Variants in SNX3 observed in about 807,000 individuals in gnomAD.
The protein encoded by SNX3 is sorting nexin-3.
SNX3 carries 5 observed loss-of-function variants against 17.7 expected under a neutral mutation model. The ratio of observed to expected loss-of-function variants is 0.28; its 90% CI spans 0.15 to 0.59. The LOEUF (loss-of-function observed/expected upper bound fraction) is 0.59. SNX3 is among the 20% of genes least tolerant of loss of function. The pLI, the probability that SNX3 is intolerant of heterozygous loss-of-function variation, is 0.88. For missense variants in SNX3, 132 were observed against 206.8 expected, an observed-to-expected ratio of 0.64 and a Z score of 2.22; for synonymous variants, 91 against 76.5, an observed-to-expected ratio of 1.19 and a Z score of -0.99.
chr6:108,246,891 A>T (rs537360), intron 1 of SNX3, among the ~76,000 whole-genome samples: 4,784 of 152,248 alleles, frequency 0.031, 249 homozygotes, highest in African/African-American at 0.11. Flanking sequence ...AAGAGGAATC[A>T]GGAAAGATCA....
At position 108,211,478 on chromosome 6, in the gene SNX3, TAGAG is replaced by T. The variant is rs1454044889; in HGVS notation, c.*667_*670del. ...AACAAGTGACTTAAGTAGTCACTCA[TAGAG>T]AGCAAAAAAAGCTGGAGGCAACACA... On this transcript the variant is annotated 3_prime_UTR_variant, in exon 4 of 4. Coordinates refer to ENST00000230085, the MANE Select transcript of SNX3 (RefSeq NM_003795.6). 6.6e-6 allele frequency: 1 copy of T among 152,390 alleles called. No homozygotes were observed. The highest frequency in any genetic ancestry group is 6.6e-5 in the Admixed American group (1 of 15,266). The allele number at this position is 152,390 out of a possible 1,614,324, so 9.4% of individuals were successfully genotyped here.
chr6:108,260,217 C>A (rs1392868488), intron 1 of SNX3, among the ~76,000 whole-genome samples: 4 of 152,176 alleles, frequency 2.6e-5, no homozygotes, highest in Admixed American at 2.6e-4. Flanking sequence ...CCCTTCTGGT[C>A]TGGCTCAGCC....
intron 1 of SNX3, among the ~76,000 whole-genome samples, chr6:108,244,760 T>A: frequency 6.7e-6 from 1 of 148,622 alleles, no homozygotes; most frequent in African/African-American, 2.5e-5. Flanking sequence ...CTGTCTCAGC[T>A]TTCCCAGTAG....
rs574933549 is a variant in SNX3 at position 108,259,310 on chromosome 6, G to A, written c.162+1450C>T. ...GTGCAATGGCCCGATCTAGGCTCAC[G>A]GCAACCTCTGCCTCCCCAGTTCAAG... On this transcript the variant is annotated intron_variant, in intron 1 of 3. Transcript: ENST00000230085. 1.6e-4 allele frequency among the ~76,000 whole-genome samples: 24 copies of A among 152,208 alleles called. No homozygotes were observed. The East Asian group carries it at 4.3e-3, about 27-fold the overall frequency.
At chr6:108,219,867 C>A (rs569958622) in intron 2 of SNX3, among the ~76,000 whole-genome samples, 212 of 152,194 alleles carry the variant, frequency 1.4e-3, no homozygotes, top group Non-Finnish European at 2.5e-3. Context: ...CAGAGATGGA[C>A]CACTTAAGAT....
chr6:108,237,622 TC>T (rs1775390394), intron 1 of SNX3, among the ~76,000 whole-genome samples: 1 of 151,918 alleles, frequency 6.6e-6, no homozygotes, highest in Non-Finnish European at 1.5e-5. Flanking sequence ...AAGCCCCACC[TC>T]TACTAAAAAT....
chr6:108,220,656 C>T (rs1774734675), intron 2 of SNX3, among the ~76,000 whole-genome samples: 1 of 152,088 alleles, frequency 6.6e-6, no homozygotes, highest in Non-Finnish European at 1.5e-5. Context: ...TATGACTACA[C>T]CACATTGTTT....
chr6:108,249,909 CATG>C (rs1775798259), intron 1 of SNX3, among the ~76,000 whole-genome samples: 2 of 152,096 alleles, frequency 1.3e-5, no homozygotes, highest in South Asian at 4.1e-4. Context: ...TCCATAGCCT[CATG>C]ATATTTTTTA....
intron 1 of SNX3, among the ~76,000 whole-genome samples, chr6:108,249,115 G>A (rs1775774347): frequency 6.6e-6 from 1 of 152,172 alleles, no homozygotes; most frequent in Non-Finnish European, 1.5e-5. Flanking sequence ...CAGCTACTCA[G>A]AAGACTGAGG....
At chr6:108,250,054 G>A (rs867461151) in intron 1 of SNX3, among the ~76,000 whole-genome samples, 1 of 152,060 alleles carries the variant, frequency 6.6e-6, no homozygotes, top group East Asian at 1.9e-4. Flanking sequence ...GGGACTAGAG[G>A]GGCACGCCAC....
intron 2 of SNX3, among the ~76,000 whole-genome samples, chr6:108,221,847 T>C (rs1029169926): frequency 4.6e-5 from 7 of 152,112 alleles, no homozygotes; most frequent in African/African-American, 1.7e-4. Context: ...ACCTGGCCCC[T>C]CTTTATTTAG....
Position 108,260,722 on chromosome 6 carries a change from G to C in SNX3, c.162+38C>G, listed in dbSNP as rs773497470. The C allele has an allele frequency of 5.0e-6, 8 of 1,611,958 alleles. No homozygotes were observed. In the African/African-American group the frequency reaches 6.7e-5, roughly 13 times the overall value. On this transcript the variant is annotated intron_variant, in intron 1 of 3. Transcript: ENST00000230085. ...TCGAGTGGGGGTGACCAGAGCCAGC[G>C]GGAGGGGTTTCTTGGGAGAGGGGAG...
At chr6:108,224,479 A>C (rs1280751655) in intron 1 of SNX3, among the ~76,000 whole-genome samples, 1 of 151,988 alleles carries the variant, frequency 6.6e-6, no homozygotes. Flanking sequence ...AGGGGGTTTC[A>C]CCGTGTTAGC....
At chr6:108,255,823 T>C (rs1356352297) in intron 1 of SNX3, among the ~76,000 whole-genome samples, 3 of 152,230 alleles carry the variant, frequency 2.0e-5, no homozygotes, top group African/African-American at 7.2e-5. Context: ...TATACAAGTT[T>C]AGAACGGCAA....
At chr6:108,250,020 C>T (rs115899059) in intron 1 of SNX3, among the ~76,000 whole-genome samples, 3,945 of 152,172 alleles carry the variant, frequency 0.026, 121 homozygotes, top group South Asian at 0.088. Flanking sequence ...AAGTGATGCT[C>T]CCACCTCAGG....
chr6:108,231,206 C>T (rs1362093113), intron 1 of SNX3, among the ~76,000 whole-genome samples: 1 of 152,020 alleles, frequency 6.6e-6, no homozygotes, highest in African/African-American at 2.4e-5. Context: ...CTGCCTCAGC[C>T]TTCCGAGTAG....
intron 1 of SNX3, among the ~76,000 whole-genome samples, chr6:108,225,236 C>T (rs542068575): frequency 4.6e-5 from 7 of 151,566 alleles, no homozygotes; most frequent in South Asian, 2.1e-4. Flanking sequence ...GAGCCGAGAT[C>T]GCGCCACTGC....
At chr6:108,226,141 G>A (rs1774967800) in intron 1 of SNX3, among the ~76,000 whole-genome samples, 1 of 151,772 alleles carries the variant, frequency 6.6e-6, no homozygotes, top group African/African-American at 2.4e-5. Flanking sequence ...CCAGGCTGGA[G>A]AGCAGAGGCA....
chr6:108,253,196 T>A (rs1262963521), intron 1 of SNX3, among the ~76,000 whole-genome samples: 1 of 152,152 alleles, frequency 6.6e-6, no homozygotes, highest in African/African-American at 2.4e-5. Context: ...CTTTTTTAGA[T>A]TTTCCCCTTT....
Sources: allele counts gnomAD v4.1 joint callset (sites outside exome capture counted in the v4.1 genomes callset), GRCh38; gene constraint gnomAD v4.1.1; transcripts MANE v1.5; gene names NCBI Gene and HGNC (gene_info 2026-07-23, HGNC 2026-07-21).